CACHD1: variants seen among roughly 807,000 people sequenced by gnomAD.
CACHD1 encodes the protein VWFA and cache domain-containing protein 1.
Under a neutral mutation model 138.7 loss-of-function variants are expected in CACHD1, and 71 were observed. The ratio of observed to expected loss-of-function variants is 0.51; its 90% CI spans 0.42 to 0.62. CACHD1 has a LOEUF of 0.62. Ranked by LOEUF, CACHD1 falls within the 20% of genes least tolerant of loss-of-function variation. The pLI is 0.00. For synonymous variants in CACHD1, 578 were observed against 591.5 expected, an observed-to-expected ratio of 0.98 and a Z score of 0.33; for missense variants, 1,389 against 1,625.3, an observed-to-expected ratio of 0.85 and a Z score of 2.50.
intron 2 of CACHD1, among the ~76,000 whole-genome samples, chr1:64,569,141 G>A (rs1173341621): frequency 2.6e-5 from 4 of 151,712 alleles, no homozygotes; most frequent in Non-Finnish European, 5.9e-5. Context: ...TGCTGGTCTC[G>A]AACTCCCGAC....
chr1:64,588,799 TA>T (rs1158027187), intron 3 of CACHD1, among the ~76,000 whole-genome samples: 2 of 152,214 alleles, frequency 1.3e-5, no homozygotes, highest in African/African-American at 2.4e-5. Flanking sequence ...TGTCTTTATT[TA>T]AAAAGAAGGG....
At chr1:64,537,707 A>G (rs1292002698) in intron 1 of CACHD1, among the ~76,000 whole-genome samples, 1 of 152,230 alleles carries the variant, frequency 6.6e-6, no homozygotes, top group Non-Finnish European at 1.5e-5. Flanking sequence ...TTCTATGAAT[A>G]CATGTTCTTT....
intron 2 of CACHD1, among the ~76,000 whole-genome samples, chr1:64,563,048 T>A (rs1331193470): frequency 1.3e-5 from 2 of 152,162 alleles, no homozygotes; most frequent in African/African-American, 2.4e-5. Context: ...TGCTAATCTA[T>A]TTTTTAGACA....
intron 7 of CACHD1, among the ~76,000 whole-genome samples, chr1:64,640,701 A>G (rs1408842091): frequency 1.7e-4 from 2 of 11,468 alleles, no homozygotes; most frequent in Non-Finnish European, 8.7e-4. Context: ...AGACACACAC[A>G]CACACACACA....
At chr1:64,656,862 T>C (rs1649278329) in intron 12 of CACHD1, among the ~76,000 whole-genome samples, 1 of 152,210 alleles carries the variant, frequency 6.6e-6, no homozygotes. Context: ...TTAGTTACTT[T>C]GTTGGGGAGG....
chr1:64,681,541 G>GGTTTTTTTTTTGTTTTTTTT (rs1553146851), intron 25 of CACHD1, among the ~76,000 whole-genome samples: 1 of 68,130 alleles, frequency 1.5e-5, no homozygotes, highest in Non-Finnish European at 2.7e-5. Context: ...ATTTTATTGT[G>GGTTTTTTTTTTGTTTTTTTT]TTTTTTTTTT....
At chr1:64,633,855 C>T (rs1030854090) in intron 6 of CACHD1, among the ~76,000 whole-genome samples, 189 bp from the exon 7 acceptor site, 1 of 152,136 alleles carries the variant, frequency 6.6e-6, no homozygotes, top group South Asian at 2.1e-4. Flanking sequence ...GGGGTTTCCC[C>T]ACTTTACCAA....
chr1:64,583,304 A>T (rs1647026224), intron 3 of CACHD1, among the ~76,000 whole-genome samples: 1 of 152,030 alleles, frequency 6.6e-6, no homozygotes, highest in African/African-American at 2.4e-5. Context: ...GCCTGAAGAA[A>T]CTCATACTAG....
chr1:64,474,958 G>A (rs533663308), intron 1 of CACHD1, among the ~76,000 whole-genome samples: 14 of 152,266 alleles, frequency 9.2e-5, no homozygotes, highest in African/African-American at 3.4e-4. Flanking sequence ...CTTCCAGTCA[G>A]GGCAGAAGAA....
At chr1:64,579,828 A>G (rs561908925) in intron 2 of CACHD1, 23 of 154,284 alleles carry the variant, frequency 1.5e-4, no homozygotes, top group Non-Finnish European at 2.3e-4. Flanking sequence ...GTGAACAAAA[A>G]CATATATCGT....
At chr1:64,529,989 A>C (rs978981968) in intron 1 of CACHD1, among the ~76,000 whole-genome samples, 1 of 152,232 alleles carries the variant, frequency 6.6e-6, no homozygotes, top group Non-Finnish European at 1.5e-5. Context: ...AAAACAAAAG[A>C]TGCCTTCATA....
At chr1:64,572,887 A>T (rs866530655) in intron 2 of CACHD1, among the ~76,000 whole-genome samples, 6 of 152,180 alleles carry the variant, frequency 3.9e-5, no homozygotes, top group African/African-American at 1.2e-4. Context: ...AAGTCTCCAC[A>T]GGCCAGTGGA....
chr1:64,589,342 G>C (rs1488524678), intron 3 of CACHD1, among the ~76,000 whole-genome samples: 1 of 152,062 alleles, frequency 6.6e-6, no homozygotes, highest in Admixed American at 6.5e-5. Flanking sequence ...TGAGGGTATT[G>C]TGCTGCAGAC....
At chr1:64,607,849 G>A (rs541449284) in intron 4 of CACHD1, among the ~76,000 whole-genome samples, 8 of 152,146 alleles carry the variant, frequency 5.3e-5, no homozygotes, top group Non-Finnish European at 1.2e-4. Context: ...CTGAGAGTGA[G>A]GACCAGGGAA....
intron 13 of CACHD1, 73 bp from the exon 14 acceptor site, chr1:64,663,622 C>A: frequency 6.3e-7 from 1 of 1,579,220 alleles, no homozygotes; most frequent in Non-Finnish European, 8.7e-7. Flanking sequence ...TGGCAGAGCC[C>A]GAGTGATGCC....
At chr1:64,656,726 A>G (rs1414012311) in intron 12 of CACHD1, among the ~76,000 whole-genome samples, 7 of 152,076 alleles carry the variant, frequency 4.6e-5, no homozygotes, top group Non-Finnish European at 8.8e-5. Context: ...TCTGAGTTCT[A>G]AAATTGTTGA....
chr1:64,633,983 A>G (rs559149818), intron 6 of CACHD1, 61 bp from the exon 7 acceptor site: 2 of 1,358,850 alleles, frequency 1.5e-6, no homozygotes, highest in African/African-American at 2.9e-5. Context: ...ACATAAATAA[A>G]TAAATCTTTA....
chr1:64,493,795 C>A (rs1431954979), intron 1 of CACHD1, among the ~76,000 whole-genome samples: 3 of 152,210 alleles, frequency 2.0e-5, no homozygotes, highest in Non-Finnish European at 4.4e-5. Flanking sequence ...TGGATTTACA[C>A]ACATTTTGTG....
Position 64,508,927 on chromosome 1 carries a change from T to C in CACHD1, c.198+37985T>C, listed in dbSNP as rs1040727442. ...TTCTTTTCTTTGGTGTCTCCTGCCATTCCCCACCCCCAGGGTTCTTCTCTT... is the reference window on the plus strand; with the variant it reads ...TTCTTTTCTTTGGTGTCTCCTGCCACTCCCCACCCCCAGGGTTCTTCTCTT... On this transcript the variant is annotated intron_variant, in intron 1 of 26. Coordinates refer to ENST00000651257, the MANE Select transcript of CACHD1 (RefSeq NM_020925.4). Among the ~76,000 whole-genome samples the C allele has an allele frequency of 8.5e-5, 13 of 152,150 alleles. 1 individual carries two copies. The highest frequency in any genetic ancestry group is 3.1e-4 in the African/African-American group (13 of 41,444).
Sources: allele counts gnomAD v4.1 joint callset (sites outside exome capture counted in the v4.1 genomes callset), GRCh38; gene constraint gnomAD v4.1.1; transcripts MANE v1.5; gene names NCBI Gene and HGNC (gene_info 2026-07-23, HGNC 2026-07-21).